Variants in HS3ST5 observed in about 807,000 individuals in gnomAD.
HS3ST5 encodes the protein heparan sulfate-glucosamine 3-sulfotransferase 5.
A neutral mutation model predicts 25.4 loss-of-function variants in HS3ST5; 10 were observed. The observed-to-expected ratio is 0.39, with a 90% confidence interval of 0.24 to 0.67. The LOEUF is 0.67. HS3ST5 is among the 30% of genes least tolerant of loss of function. HS3ST5 has a pLI of 0.44. For synonymous variants in HS3ST5, 170 were observed against 162.4 expected (o/e 1.05, Z -0.36); for missense variants, 324 against 420.7 (o/e 0.77, Z 2.01).
At chr6:114,280,104 TGA>T (rs1375750852) in intron 1 of HS3ST5, among the ~76,000 whole-genome samples, 2 of 150,348 alleles carry the variant, frequency 1.3e-5, no homozygotes, top group African/African-American at 4.9e-5. Context: ...CTGAAAAAAG[TGA>T]GAGTTTTCCA....
At chr6:114,223,540 T>C (rs1428172108) in intron 2 of HS3ST5, among the ~76,000 whole-genome samples, 2 of 151,814 alleles carry the variant, frequency 1.3e-5, no homozygotes, top group Non-Finnish European at 3.0e-5. Context: ...GAATTTCTGC[T>C]CAGCAGAAAC....
intron 1 of HS3ST5, among the ~76,000 whole-genome samples, chr6:114,337,989 A>G (rs1258728330): frequency 1.3e-5 from 2 of 152,144 alleles, no homozygotes; most frequent in African/African-American, 4.8e-5. Flanking sequence ...TAAAATGGGA[A>G]ATGACAGGAG....
Position 114,084,754 on chromosome 6 carries a change from A to G in HS3ST5, c.-32-21877T>C, listed in dbSNP as rs975112544. 5.1e-6 allele frequency: 4 copies of G among 782,586 alleles called. No individual in the cohort carries two copies. The African/African-American group carries it at 6.7e-5, about 13-fold the overall frequency. 48.5% of individuals were successfully genotyped at this position (782,586 alleles called of 1,614,324 possible). ...AGGTTCCAGGCGTGAAGAGGCCAGC[A>G]ATTGGAGTGGCTCCAGTGGCAGCAG... On this transcript the variant is annotated intron_variant, in intron 3 of 4. Coordinates refer to ENST00000312719, the MANE Select transcript of HS3ST5 (RefSeq NM_153612.4).
chr6:114,209,501 TTATC>T (rs1781424374), intron 2 of HS3ST5, among the ~76,000 whole-genome samples: 1 of 152,158 alleles, frequency 6.6e-6, no homozygotes, highest in Non-Finnish European at 1.5e-5. Context: ...TGAGTATTGC[TTATC>T]TTCTCACCAA....
rs1382777789 is a variant in HS3ST5, at chr6:114,055,751, ACT to A, written c.*1504_*1505del. 6.6e-6 allele frequency: 1 copy of A among 152,024 alleles called. No homozygotes were observed. Among genetic ancestry groups the A allele is most frequent in the Non-Finnish European group, 1.5e-5 (1 of 68,000 alleles). The allele number at this position is 152,024 out of a possible 1,614,324, so 9.4% of individuals were successfully genotyped here. ...CACTCTCACTGTGATGTTGAACAAA[ACT>A]CTCTCAAACATCTCCCACTGGATTA... On this transcript the variant is annotated 3_prime_UTR_variant, in exon 5 of 5. Coordinates refer to ENST00000312719, the MANE Select transcript of HS3ST5 (RefSeq NM_153612.4).
intron 3 of HS3ST5, among the ~76,000 whole-genome samples, chr6:114,136,952 C>CT (rs1236544054): frequency 1.3e-5 from 2 of 152,098 alleles, no homozygotes; most frequent in Non-Finnish European, 2.9e-5. Flanking sequence ...TGAAAAATTA[C>CT]TTTTGGAGAG....
intron 2 of HS3ST5, among the ~76,000 whole-genome samples, chr6:114,228,332 T>G (rs1771409876): frequency 6.6e-6 from 1 of 152,184 alleles, no homozygotes. Context: ...CTTTGTAATG[T>G]GATACTGATT....
At chr6:114,260,935 GCA>G (rs751275234) in intron 1 of HS3ST5, among the ~76,000 whole-genome samples, 83,623 of 151,748 alleles carry the variant, frequency 0.55, 23,296 homozygotes, top group African/African-American at 0.65. Context: ...TGACATTAGT[GCA>G]TCTCCACTCT....
chr6:114,198,500 A>T (rs1018719968), intron 2 of HS3ST5, among the ~76,000 whole-genome samples: 2 of 152,224 alleles, frequency 1.3e-5, no homozygotes, highest in African/African-American at 4.8e-5. Flanking sequence ...TTCCAAGATC[A>T]ACCCAAAGGA....
chr6:114,116,909 A>G (rs1217481549), intron 3 of HS3ST5, among the ~76,000 whole-genome samples: 1 of 152,026 alleles, frequency 6.6e-6, no homozygotes, highest in Non-Finnish European at 1.5e-5. Flanking sequence ...CCCTTCATCC[A>G]TTAGACTAAC....
intron 1 of HS3ST5, among the ~76,000 whole-genome samples, chr6:114,327,832 T>C (rs1055403963): frequency 6.6e-6 from 1 of 152,226 alleles, no homozygotes; most frequent in Non-Finnish European, 1.5e-5. Context: ...GTCATTCAAG[T>C]CAAGAATTGC....
At chr6:114,285,897 C>A (rs1223275964) in intron 1 of HS3ST5, among the ~76,000 whole-genome samples, 1 of 151,796 alleles carries the variant, frequency 6.6e-6, no homozygotes, top group Non-Finnish European at 1.5e-5. Context: ...GTGGTGAAGT[C>A]AATTGCTAAT....
chr6:114,132,493 A>G (rs181474605), intron 3 of HS3ST5, among the ~76,000 whole-genome samples: 2 of 152,216 alleles, frequency 1.3e-5, no homozygotes, highest in Non-Finnish European at 1.5e-5. Context: ...TCAGCCAAAT[A>G]CCAGCAGGGC....
At position 114,341,589 on chromosome 6, in the gene HS3ST5, CCG is replaced by C. The variant is rs5879260; in HGVS notation, c.-339+604_-339+605del. Among the ~76,000 whole-genome samples, 8 of 145,942 alleles carry C rather than the reference CCG, an allele frequency of 5.5e-5. No individual in the cohort carries two copies. The South Asian group carries it at 9.1e-4, about 17-fold the overall frequency. On this transcript the variant is annotated intron_variant, in intron 1 of 4. Transcript: ENST00000312719. ...TGACCACCCTTCGACTGCATCCATC[CCG>C]CGCGCGCGCGCGCGTGTGTGTTGGG...
intron 3 of HS3ST5, among the ~76,000 whole-genome samples, chr6:114,112,196 T>C (rs1339795415): frequency 3.3e-5 from 5 of 152,176 alleles, no homozygotes; most frequent in Non-Finnish European, 5.9e-5. Context: ...GGAATTAAAG[T>C]TGCAGATGGA....
At chr6:114,261,199 A>G (rs1371037981) in intron 1 of HS3ST5, among the ~76,000 whole-genome samples, 4 of 152,212 alleles carry the variant, frequency 2.6e-5, no homozygotes, top group Non-Finnish European at 5.9e-5. Flanking sequence ...TATGAAAGAT[A>G]GGACTGAGAG....
chr6:114,294,832 T>G (rs1197934433), intron 1 of HS3ST5, among the ~76,000 whole-genome samples: 4 of 152,212 alleles, frequency 2.6e-5, no homozygotes, highest in Admixed American at 2.6e-4. Flanking sequence ...GGTCAAAAAG[T>G]TTTTTGGAAA....
chr6:114,221,999 A>G (rs1782064954), intron 2 of HS3ST5, among the ~76,000 whole-genome samples: 1 of 151,828 alleles, frequency 6.6e-6, no homozygotes, highest in African/African-American at 2.4e-5. Context: ...TATCAAATGT[A>G]GAGAAGCTGA....
At chr6:114,306,291 A>G (rs766781035) in intron 1 of HS3ST5, among the ~76,000 whole-genome samples, 2 of 148,080 alleles carry the variant, frequency 1.4e-5, no homozygotes, top group Non-Finnish European at 3.0e-5. Flanking sequence ...ATATATATAT[A>G]TAAAATATAT....
Sources: allele counts gnomAD v4.1 joint callset (sites outside exome capture counted in the v4.1 genomes callset), GRCh38; gene constraint gnomAD v4.1.1; transcripts MANE v1.5; gene names NCBI Gene and HGNC (gene_info 2026-07-23, HGNC 2026-07-21).